SUCLG2: variants seen among roughly 807,000 people sequenced by gnomAD.
SUCLG2 encodes the protein succinate-CoA ligase GDP-forming subunit beta, also known as succinate--CoA ligase [GDP-forming] subunit beta, mitochondrial.
In SUCLG2, 42 loss-of-function variants were observed where a neutral mutation model predicts 47.9. The ratio of observed to expected loss-of-function variants is 0.88; its 90% confidence interval spans 0.69 to 1.14. SUCLG2 has a LOEUF of 1.14. SUCLG2 is among the 50% of genes most tolerant of loss of function. SUCLG2 has a pLI of 0.00. For missense variants in SUCLG2, 571 were observed against 525.9 expected (o/e 1.09, Z -0.84); for synonymous variants, 195 against 197.3 (o/e 0.99, Z 0.10).
At chr3:67,456,443 T>C (rs1335204837) in intron 9 of SUCLG2, among the ~76,000 whole-genome samples, 1 of 152,178 alleles carries the variant, frequency 6.6e-6, no homozygotes, top group East Asian at 1.9e-4. Flanking sequence ...TAAGCCCTCA[T>C]TGGAAGATTT....
intron 9 of SUCLG2, among the ~76,000 whole-genome samples, chr3:67,493,326 G>A (rs189354954): frequency 7.6e-4 from 115 of 152,274 alleles, no homozygotes; most frequent in Non-Finnish European, 1.4e-3. Context: ...GAGATGAGCT[G>A]TGCATTCATT....
At chr3:67,421,180 C>T (rs1175019074) in intron 9 of SUCLG2, among the ~76,000 whole-genome samples, 3 of 152,090 alleles carry the variant, frequency 2.0e-5, no homozygotes, top group Non-Finnish European at 2.9e-5. Context: ...CTTACCCAAA[C>T]TCTTATCCAA....
chr3:67,405,588 G>T (rs1039231224), intron 9 of SUCLG2, among the ~76,000 whole-genome samples: 2 of 152,148 alleles, frequency 1.3e-5, no homozygotes, highest in Non-Finnish European at 2.9e-5. Context: ...ACCTCCAATG[G>T]CAAGTGGTAA....
In SUCLG2 at chr3:67,432,599, G is replaced by A. The variant is rs183126932; in HGVS notation, c.1063-31748C>T. ...CCTGGTAAAATCCTGCCTATCCTTA[G>A]AAGCTTCATTTAAGATTCTTCTTGT... On this transcript the variant is annotated intron_variant, in intron 9 of 10. Transcript: ENST00000307227. Among the ~76,000 whole-genome samples, 1,260 of 152,230 alleles carry A rather than the reference G, an allele frequency of 8.3e-3. 13 individuals carry two copies. Among genetic ancestry groups the A allele is most frequent in the Non-Finnish European group, 0.012 (795 of 68,020 alleles).
intron 7 of SUCLG2, among the ~76,000 whole-genome samples, chr3:67,504,712 C>T (rs904457935): frequency 6.6e-6 from 1 of 152,126 alleles, no homozygotes. Flanking sequence ...AATGCCCACC[C>T]TTCCCATGGA....
At chr3:67,499,655 A>G (rs1400658007) in intron 7 of SUCLG2, among the ~76,000 whole-genome samples, 1 of 152,016 alleles carries the variant, frequency 6.6e-6, no homozygotes, top group Non-Finnish European at 1.5e-5. Context: ...GACCCCTTTT[A>G]TTATCTCTCT....
intron 1 of SUCLG2, among the ~76,000 whole-genome samples, chr3:67,650,667 G>A (rs1701270109): frequency 6.6e-6 from 1 of 152,160 alleles, no homozygotes; most frequent in African/African-American, 2.4e-5. Flanking sequence ...CGAGGCAGGA[G>A]AATCGCTTGT....
chr3:67,403,192 C>G (rs1350551168), intron 9 of SUCLG2, among the ~76,000 whole-genome samples: 1 of 152,218 alleles, frequency 6.6e-6, no homozygotes, highest in Non-Finnish European at 1.5e-5. Context: ...TCTTTTCTAA[C>G]TGCAGAGGGA....
chr3:67,454,947 G>A, intron 9 of SUCLG2, among the ~76,000 whole-genome samples: 1 of 128,600 alleles, frequency 7.8e-6, no homozygotes, highest in East Asian at 2.3e-4. Context: ...GGGCGACAGA[G>A]TGAGACTCCG....
intron 4 of SUCLG2, among the ~76,000 whole-genome samples, chr3:67,525,307 T>C (rs996006949): frequency 6.6e-6 from 1 of 152,164 alleles, no homozygotes; most frequent in African/African-American, 2.4e-5. Flanking sequence ...GTATAGGAAC[T>C]AGAACAGGTA....
chr3:67,419,234 T>A (rs985996062), intron 9 of SUCLG2, among the ~76,000 whole-genome samples: 2 of 152,182 alleles, frequency 1.3e-5, no homozygotes, highest in African/African-American at 2.4e-5. Flanking sequence ...CTCTAAATCA[T>A]GTCTGTAATT....
intron 9 of SUCLG2, among the ~76,000 whole-genome samples, chr3:67,411,251 G>C (rs1702926522): frequency 6.6e-6 from 1 of 151,986 alleles, no homozygotes; most frequent in Non-Finnish European, 1.5e-5. Flanking sequence ...GCTAAGCAGA[G>C]AGAGCCAAAA....
chr3:67,570,246 T>C (rs1411635691), intron 2 of SUCLG2, among the ~76,000 whole-genome samples: 11 of 152,224 alleles, frequency 7.2e-5, no homozygotes, highest in Non-Finnish European at 1.6e-4. Flanking sequence ...AACCACCCAG[T>C]GGGTAGCATT....
In SUCLG2 at chr3:67,613,025, C is replaced by A. The variant is rs1700559507; in HGVS notation, c.85-3429G>T. On this transcript the variant is annotated intron_variant, in intron 1 of 10. Transcript: ENST00000307227. ...AGGTATGCCCATGGAGCTTCCATGC[C>A]CTCTCTGGGGGTACCACCTTGCAGA... Among the ~76,000 whole-genome samples, 5 of 152,130 alleles carry A rather than the reference C, an allele frequency of 3.3e-5. 1 individual carries two copies. Among genetic ancestry groups the A allele is most frequent in the Non-Finnish European group, 7.3e-5 (5 of 68,036 alleles).
At chr3:67,372,462 T>G (rs138876995), downstream of SUCLG2, among the ~76,000 whole-genome samples, 81 of 152,262 alleles carry the variant, frequency 5.3e-4, no homozygotes, top group Middle Eastern at 6.8e-3. Context: ...CTAGCAAGGA[T>G]CACTTTGAGG....
chr3:67,568,015 T>A (rs1300769704), intron 2 of SUCLG2, among the ~76,000 whole-genome samples: 1 of 152,152 alleles, frequency 6.6e-6, no homozygotes, highest in Non-Finnish European at 1.5e-5. Context: ...ACAAATTAAA[T>A]TCCACCAAAA....
chr3:67,415,244 C>T (rs1055183179), intron 9 of SUCLG2, among the ~76,000 whole-genome samples: 1 of 152,100 alleles, frequency 6.6e-6, no homozygotes, highest in Non-Finnish European at 1.5e-5. Flanking sequence ...TAAAGCTACA[C>T]AGAGAGAGAA....
intron 1 of SUCLG2, among the ~76,000 whole-genome samples, chr3:67,622,968 C>G (rs965111722): frequency 2.6e-5 from 4 of 152,194 alleles, no homozygotes; most frequent in Non-Finnish European, 5.9e-5. Context: ...GTAGCTTGGT[C>G]TTATGTCAGG....
intron 9 of SUCLG2, among the ~76,000 whole-genome samples, chr3:67,423,361 A>T (rs1703219586): frequency 6.6e-6 from 1 of 152,182 alleles, no homozygotes; most frequent in Admixed American, 6.5e-5. Context: ...TTTATAAATT[A>T]CCCAGTCTCA....
Sources: allele counts gnomAD v4.1 joint callset (sites outside exome capture counted in the v4.1 genomes callset), GRCh38; gene constraint gnomAD v4.1.1; transcripts MANE v1.5; gene names NCBI Gene and HGNC (gene_info 2026-07-23, HGNC 2026-07-21).